WASHC4: variants seen among roughly 807,000 people sequenced by gnomAD.
WASHC4 encodes WASH complex subunit 4, also known as WASH complex subunit 7.
In WASHC4, 86 loss-of-function variants were observed where a neutral mutation model predicts 166.6. That is an observed-to-expected ratio of 0.52 (90% CI 0.43 to 0.62). The LOEUF is 0.62. Among genes scored for constraint, WASHC4 ranks in the 20% least tolerant of loss-of-function variants. The pLI, the probability that WASHC4 is intolerant of heterozygous loss-of-function variation, is 0.00. For synonymous variants in WASHC4, 446 were observed against 451.6 expected (o/e 0.99, Z 0.16); for missense variants, 1,262 against 1,382.4 (o/e 0.91, Z 1.38).
intron 23 of WASHC4, 140 bp from the exon 24 acceptor site, chr12:105,146,902 A>T (rs921885690): frequency 8.7e-6 from 6 of 687,380 alleles, no homozygotes; most frequent in Non-Finnish European, 1.6e-5. Flanking sequence ...GATTAAGGAT[A>T]CTCACCTGTA....
intron 1 of WASHC4, among the ~76,000 whole-genome samples, chr12:105,108,202 G>C (rs889222813): frequency 6.6e-5 from 10 of 152,200 alleles, no homozygotes; most frequent in Non-Finnish European, 1.2e-4. Flanking sequence ...ATCCCAGGCT[G>C]CTTCTGTCTC....
At chr12:105,122,746 A>G (rs1250809165) in intron 10 of WASHC4, among the ~76,000 whole-genome samples, 1 of 152,002 alleles carries the variant, frequency 6.6e-6, no homozygotes, top group Non-Finnish European at 1.5e-5. Context: ...TGATGTTACT[A>G]TTGTAATTGT....
Position 105,164,220 on chromosome 12 carries a change from G to A in WASHC4, c.3267G>A (p.Lys1089=), listed in dbSNP as rs376137196. ...KYLKEIRAVA[K]QQNVQSASQD... ...TGAAGGAGATAAGAGCAGTTGCTAA[G>A]CAACAGAATGTACAGTCAGCCAGTC... is the stretch of plus-strand genomic sequence containing the variant. Residue 1089 remains lysine (K), a synonymous_variant, in exon 31 of 33, where the codon AAG becomes AAA. Transcript: ENST00000332180. The A allele has an allele frequency of 1.2e-6, 2 of 1,614,068 alleles. No homozygotes were observed. The highest frequency in any genetic ancestry group is 2.7e-5 in the African/African-American group (2 of 75,042).
intron 29 of WASHC4, among the ~76,000 whole-genome samples, chr12:105,162,088 C>T (rs1368997211): frequency 6.6e-6 from 1 of 152,176 alleles, no homozygotes; most frequent in Admixed American, 6.5e-5. Context: ...CAGTGTTGCT[C>T]TAGACTGTGA....
At chr12:105,132,926 G>A (rs111576381) in intron 13 of WASHC4, among the ~76,000 whole-genome samples, 29 of 151,562 alleles carry the variant, frequency 1.9e-4, no homozygotes, top group African/African-American at 6.3e-4. Flanking sequence ...TCCTATTCTG[G>A]TTCAGGCTGT....
chr12:105,142,927 C>T (rs1473727431), intron 19 of WASHC4, among the ~76,000 whole-genome samples, 200 bp from the exon 20 acceptor site: 1 of 151,892 alleles, frequency 6.6e-6, no homozygotes, highest in Non-Finnish European at 1.5e-5. Context: ...AAAGGACTAG[C>T]GAATGTGATT....
chr12:105,141,432 C>T (rs575584457), intron 18 of WASHC4, among the ~76,000 whole-genome samples, 186 bp downstream of exon 18: 16 of 152,206 alleles, frequency 1.1e-4, no homozygotes, highest in Admixed American at 1.0e-3. Context: ...TTTGCTTCTA[C>T]AGGAAGCATG....
chr12:105,125,469 A>G (rs922567911), intron 10 of WASHC4, among the ~76,000 whole-genome samples: 1 of 152,196 alleles, frequency 6.6e-6, no homozygotes, highest in Admixed American at 6.5e-5. Context: ...TTTTGGGTAG[A>G]CAAAAGTTAT....
intron 10 of WASHC4, among the ~76,000 whole-genome samples, chr12:105,122,919 A>G (rs1339937353): frequency 6.6e-6 from 1 of 152,204 alleles, no homozygotes; most frequent in African/African-American, 2.4e-5. Context: ...AGGCCAATTA[A>G]TAGCCCTACA....
chr12:105,126,344 A>G lies in WASHC4; in HGVS notation c.1020A>G (p.Leu340=). The change falls in exon 12 of 33, where the codon TTA becomes TTG. Residue 340 remains leucine, a synonymous_variant. Transcript: ENST00000332180. ...RTIDKKFYKS[L]LDICKKVPAI... The stretch of plus-strand genomic sequence containing the variant: ...TTGATAAAAAGTTTTATAAGTCTTT[A>G]TTGGACATTTGTAAGAAGGTAAGAA... 6.3e-7 allele frequency: 1 copy of G among 1,585,064 alleles called. No individual in the cohort carries two copies. The highest frequency in any genetic ancestry group is 2.2e-5 in the East Asian group (1 of 44,562).
intron 25 of WASHC4, among the ~76,000 whole-genome samples, chr12:105,151,359 C>T (rs1411871758): frequency 6.6e-6 from 1 of 152,142 alleles, no homozygotes; most frequent in Non-Finnish European, 1.5e-5. Context: ...TAAGATACAC[C>T]TATTTCCAGT....
intron 32 of WASHC4, among the ~76,000 whole-genome samples, chr12:105,165,371 C>A (rs1248505489): frequency 6.6e-6 from 1 of 152,030 alleles, no homozygotes; most frequent in African/African-American, 2.4e-5. Flanking sequence ...ATTTAATGTC[C>A]CCATGATATA....
rs779613567 is a variant in WASHC4 at position 105,111,144 on chromosome 12, A to C, written c.81A>C (p.Gln27His). 3.1e-6 allele frequency: 5 copies of C among 1,606,738 alleles called. No individual in the cohort carries two copies. The highest frequency in any genetic ancestry group is 4.5e-5 in the East Asian group (2 of 44,772). The change falls in exon 2 of 33, where the codon CAA becomes CAC. Residue 27 changes from glutamine (Q) to histidine (H), a missense_variant. Transcript: ENST00000332180. ...ACTTAGAAATTCATGCCGAAGTCCA[A>C]CTTAAGAATTATGGGAAATTTCTTG... ...DGSQKIHAEV[Q>H]LKNYGKFLEE...
At chr12:105,163,555 G>A (rs1437328218) in intron 30 of WASHC4, among the ~76,000 whole-genome samples, 1 of 152,006 alleles carries the variant, frequency 6.6e-6, no homozygotes, top group Non-Finnish European at 1.5e-5. Context: ...AGGCTGGAGT[G>A]CAGTGGTGCA....
intron 2 of WASHC4, among the ~76,000 whole-genome samples, chr12:105,113,135 A>G (rs1042078158): frequency 2.0e-5 from 3 of 152,034 alleles, no homozygotes; most frequent in Non-Finnish European, 4.4e-5. Context: ...AAGTTATAGG[A>G]ACTCTACTAG....
intron 15 of WASHC4, among the ~76,000 whole-genome samples, chr12:105,138,413 G>A (rs1214964847): frequency 2.0e-5 from 3 of 151,122 alleles, no homozygotes; most frequent in African/African-American, 7.3e-5. Flanking sequence ...GTTTACATGC[G>A]TATGAGGTTA....
intron 14 of WASHC4, 69 bp from the exon 15 acceptor site, chr12:105,137,817 T>C: frequency 1.5e-6 from 2 of 1,322,562 alleles, no homozygotes; most frequent in Non-Finnish European, 2.2e-6. Flanking sequence ...GAATAGCTGC[T>C]GTTAAATAGA....
intron 13 of WASHC4, among the ~76,000 whole-genome samples, chr12:105,131,126 T>TCGGAC (rs1191519387): frequency 8.6e-5 from 13 of 150,376 alleles, no homozygotes; most frequent in African/African-American, 2.9e-4. Flanking sequence ...GTCTCCCAGG[T>TCGGAC]TGGACTGCGG....
Position 105,122,207 on chromosome 12 carries a change from A to G in WASHC4, c.755A>G (p.Glu252Gly). The G allele has an allele frequency of 6.2e-7, 1 of 1,613,032 alleles. No individual in the cohort carries two copies. Among genetic ancestry groups the G allele is most frequent in the Non-Finnish European group, 8.5e-7 (1 of 1,179,588 alleles). ...KPFEKFLLKLEGQLLDGMIFQ... is the reference protein window; with the variant it reads ...KPFEKFLLKLGGQLLDGMIFQ... Reference sequence around the variant, plus strand: ...TTTGAAAAGTTCTTGCTGAAGCTAGAAGGGCAATTACTGGATGGAATGATA... The same window carrying G: ...TTTGAAAAGTTCTTGCTGAAGCTAGGAGGGCAATTACTGGATGGAATGATA... Residue 252 changes from glutamate to glycine, a missense_variant, in exon 10 of 33, where the codon GAA (glutamate) becomes GGA (glycine). By Grantham distance (98) the Glu-to-Gly change is moderately conservative. Transcript: ENST00000332180.
Sources: gnomAD v4.1 joint callset for allele counts (sites outside exome capture counted in the v4.1 genomes callset) on GRCh38, gnomAD v4.1.1 for gene constraint, MANE v1.5 for transcripts, NCBI Gene and HGNC (gene_info 2026-07-23, HGNC 2026-07-21) for gene names.